Variants in MTERF4 observed in about 807,000 individuals in gnomAD.
MTERF4 encodes mitochondrial transcription termination factor 4.
Under a neutral mutation model 22.5 loss-of-function variants are expected in MTERF4, and 17 were observed. The observed-to-expected ratio is 0.75, with a 90% CI of 0.52 to 1.13. MTERF4 has a LOEUF of 1.13. Ranked by LOEUF, MTERF4 falls within the 50% of genes most tolerant of loss-of-function variation. MTERF4 has a pLI of 0.00. For missense variants in MTERF4, 420 were observed against 466.8 expected (o/e 0.90, Z 0.92); for synonymous variants, 165 against 175.3 (o/e 0.94, Z 0.47).
At chr2:241,079,120 A>AT (rs1318148403) in intron 4 of MTERF4, among the ~76,000 whole-genome samples, 3 of 146,728 alleles carry the variant, frequency 2.0e-5, no homozygotes, top group Non-Finnish European at 4.5e-5. Context: ...TCTCAAAAAA[A>AT]AAAAAAAAAA....
At chr2:241,063,012 AC>A in the MTERF4 span, 1 of 676,170 alleles carries the variant, frequency 1.5e-6, no homozygotes, top group Non-Finnish European at 2.5e-6. Context: ...CAGGGTGGCC[AC>A]TGCATGCTTT....
chr2:241,073,313 C>A lies in MTERF4; in HGVS notation n.2849G>T. ...CGAGAACATGGAGGAAGCCCCCAAG[C>A]GGGTCAGCCTGGCCCTCCAGCTCCC... On this transcript the variant is annotated non_coding_transcript_exon_variant, in exon 5 of 5. Transcript: ENST00000464344. The surrounding 1 kb of genome is among the most constrained non-coding windows in gnomAD (Gnocchi z 6.6). 1 of 1,574,052 alleles carries A rather than the reference C, an allele frequency of 6.4e-7. No individual in the cohort carries two copies. The highest frequency in any genetic ancestry group is 8.6e-7 in the Non-Finnish European group (1 of 1,161,044).
chr2:241,049,082 A>G, the MTERF4 span: 2 of 1,613,412 alleles, frequency 1.2e-6, no homozygotes, highest in African/African-American at 2.7e-5. Flanking sequence ...TACTGCATGG[A>G]GCACGGCGGG....
At chr2:241,102,177 G>C in intron 1 of MTERF4, 76 bp downstream of exon 1, 1 of 1,543,554 alleles carries the variant, frequency 6.5e-7, no homozygotes, top group Non-Finnish European at 8.8e-7. Flanking sequence ...TGAAACACTC[G>C]GCGGCCGCGG....
chr2:241,083,965 T>C (rs912351199), downstream of MTERF4, among the ~76,000 whole-genome samples: 1 of 150,228 alleles, frequency 6.7e-6, no homozygotes, highest in African/African-American at 2.5e-5. Context: ...CTGCCTAATT[T>C]TGGATTACTT....
chr2:241,087,501 C>A, downstream of MTERF4: 1 of 1,584,128 alleles, frequency 6.3e-7, no homozygotes, highest in Non-Finnish European at 8.6e-7. Context: ...AGGCCCATGC[C>A]GTGTCCTGCA....
the MTERF4 span, chr2:241,049,714 A>G: frequency 1.3e-6 from 1 of 794,854 alleles, no homozygotes; most frequent in South Asian, 1.5e-5. Flanking sequence ...GGTTCCAGAC[A>G]GGATGTCAGG....
At chr2:241,050,171 G>T in the MTERF4 span, 2 of 570,720 alleles carry the variant, frequency 3.5e-6, no homozygotes, top group African/African-American at 1.9e-5. Flanking sequence ...CTGAAAATAG[G>T]CTTCATTGCC....
intron 1 of MTERF4, among the ~76,000 whole-genome samples, chr2:241,101,882 G>C (rs779822804): frequency 1.3e-5 from 2 of 152,070 alleles, no homozygotes; most frequent in African/African-American, 2.4e-5. Flanking sequence ...GTGAAACCCC[G>C]TCTCTACTAA....
the MTERF4 span, among the ~76,000 whole-genome samples, chr2:241,060,087 T>G: frequency 6.6e-6 from 1 of 152,188 alleles, no homozygotes; most frequent in Non-Finnish European, 1.5e-5. Flanking sequence ...CAGTGAACAC[T>G]TTGAAATGAA....
At chr2:241,071,553 C>T (rs1216591923), downstream of MTERF4, 1 of 1,570,992 alleles carries the variant, frequency 6.4e-7, no homozygotes, top group Non-Finnish European at 8.6e-7. Flanking sequence ...CAGACCAGCC[C>T]CTTCCTCCTG....
chr2:241,052,000 G>C, the MTERF4 span: 2 of 1,573,158 alleles, frequency 1.3e-6, 1 homozygote, highest in Non-Finnish European at 1.7e-6. The surrounding 1 kb of genome is among the most constrained non-coding windows in gnomAD (Gnocchi z 4.7). Context: ...GAACGTGGGA[G>C]GGGCAGTGGG....
downstream of MTERF4, chr2:241,093,997 T>G (rs1415186992): frequency 4.4e-6 from 1 of 229,046 alleles, no homozygotes; most frequent in Non-Finnish European, 8.8e-6. Context: ...GACTGAGGAT[T>G]CTACTTAGTC....
chr2:241,097,954 A>C (rs2064531708), intron 2 of MTERF4, among the ~76,000 whole-genome samples: 1 of 152,194 alleles, frequency 6.6e-6, no homozygotes, highest in Admixed American at 6.5e-5. Flanking sequence ...ACACAACACC[A>C]ATGCTGACGT....
chr2:241,102,129 C>G (rs1455337479), intron 1 of MTERF4, 124 bp downstream of exon 1: 1 of 1,334,402 alleles, frequency 7.5e-7, no homozygotes, highest in Admixed American at 2.0e-5. Context: ...ACCAGGTCAG[C>G]GTGCACGGAC....
chr2:241,067,222 C>T (rs562045808), downstream of MTERF4, among the ~76,000 whole-genome samples: 2 of 152,326 alleles, frequency 1.3e-5, no homozygotes, highest in African/African-American at 4.8e-5. Flanking sequence ...TGAGCGCTGC[C>T]CTCTGGGCTC....
At chr2:241,048,381 C>A in the MTERF4 span, 19 of 1,611,160 alleles carry the variant, frequency 1.2e-5, no homozygotes, top group Middle Eastern at 1.6e-4. Flanking sequence ...TGTGTGGATG[C>A]GGACCAGGGC....
the MTERF4 span, chr2:241,051,895 C>T: frequency 2.1e-5 from 31 of 1,507,770 alleles, no homozygotes; most frequent in South Asian, 3.8e-5. The surrounding 1 kb of genome is among the most constrained non-coding windows in gnomAD (Gnocchi z 4.7). Context: ...AGGGCAGGAA[C>T]GACGGGCCAG....
Position 241,096,503 on chromosome 2 carries a change from C to A in MTERF4, c.706-65G>T. The A allele has an allele frequency of 6.4e-7, 1 of 1,563,484 alleles. No individual in the cohort carries two copies. The highest frequency in any genetic ancestry group is 8.8e-7 in the Non-Finnish European group (1 of 1,135,588). On this transcript the variant is annotated intron_variant, in intron 3 of 3. Transcript: ENST00000391980. This position sits in a 1 kb window ranked among gnomAD's most constrained non-coding sequence, Gnocchi z 5.1. ...GTATTGAAACCTATCATTCTATAAA[C>A]CATAAAAACTTAAGTTGTACAAAAG...
Sources: allele counts gnomAD v4.1 joint callset (sites outside exome capture counted in the v4.1 genomes callset), GRCh38; gene constraint gnomAD v4.1.1; non-coding constraint Gnocchi (gnomAD v3.1); transcripts MANE v1.5; gene names NCBI Gene and HGNC (gene_info 2026-07-23, HGNC 2026-07-21).